Variants in FHIT observed in about 807,000 individuals in gnomAD.
The protein encoded by FHIT is bis(5'-adenosyl)-triphosphatase.
In FHIT, 19 loss-of-function variants were observed where a neutral mutation model predicts 17.9. That is an observed-to-expected ratio of 1.06 (90% CI 0.74 to 1.56). The LOEUF (loss-of-function observed/expected upper bound fraction) is 1.56. Ranked by LOEUF, FHIT falls within the 40% of genes most tolerant of loss-of-function variation. FHIT has a pLI of 0.00. For synonymous variants in FHIT, 81 were observed against 69.7 expected, an observed-to-expected ratio of 1.16 and a Z score of -0.81; for missense variants, 248 against 189.2, an observed-to-expected ratio of 1.31 and a Z score of -1.82.
At chr3:60,126,227 C>A (rs1032041309) in intron 5 of FHIT, among the ~76,000 whole-genome samples, 1 of 152,156 alleles carries the variant, frequency 6.6e-6, no homozygotes, top group Admixed American at 6.5e-5. Flanking sequence ...CACCTTATCC[C>A]TTTGGGCTTG....
intron 5 of FHIT, among the ~76,000 whole-genome samples, chr3:60,239,099 T>C (rs1167891267): frequency 6.6e-6 from 1 of 152,192 alleles, no homozygotes. Flanking sequence ...AAAGGTCAAA[T>C]TAACTTGAGA....
intron 5 of FHIT, among the ~76,000 whole-genome samples, chr3:60,330,994 A>G (rs1217324683): frequency 6.6e-6 from 1 of 151,948 alleles, no homozygotes; most frequent in Non-Finnish European, 1.5e-5. Flanking sequence ...TGTGACCACA[A>G]CCTCTCCCTT....
rs1280976512 is a variant in FHIT at position 60,037,386 on chromosome 3, CTTTCT to C, written c.104-23239_104-23235del. Among the ~76,000 whole-genome samples the C allele has an allele frequency of 6.1e-3, 816 of 132,962 alleles. 4 individuals are homozygous for C. Among genetic ancestry groups the C allele is most frequent in the African/African-American group, 0.02 (766 of 37,384 alleles). 87.2% of individuals were successfully genotyped at this position (132,962 alleles called of 152,430 possible). On this transcript the variant is annotated intron_variant, in intron 5 of 9. Transcript: ENST00000492590. The stretch of plus-strand genomic sequence containing the variant: ...CCACTCAGCTTACTTAAAACCAAGT[CTTTCT>C]TTTTTTTTTTTTTTTGAGACGGAGT...
intron 5 of FHIT, among the ~76,000 whole-genome samples, chr3:60,516,576 G>A (rs2035167523): frequency 2.0e-5 from 3 of 152,134 alleles, no homozygotes; most frequent in Admixed American, 6.6e-5. Flanking sequence ...TAGCTGTTTG[G>A]TCTAGATCGA....
intron 3 of FHIT, among the ~76,000 whole-genome samples, chr3:60,995,086 C>T (rs1415841849): frequency 6.6e-6 from 1 of 152,030 alleles, no homozygotes; most frequent in African/African-American, 2.4e-5. Flanking sequence ...TTTGGGAGGC[C>T]GAGGCGGGCG....
At chr3:61,105,302 C>T (rs1225055917) in intron 2 of FHIT, among the ~76,000 whole-genome samples, 1 of 151,896 alleles carries the variant, frequency 6.6e-6, no homozygotes, top group Non-Finnish European at 1.5e-5. Context: ...GATGGATTTG[C>T]CCCACTGGCT....
At chr3:61,132,800 A>C (rs577687066) in intron 2 of FHIT, among the ~76,000 whole-genome samples, 105 of 152,298 alleles carry the variant, frequency 6.9e-4, no homozygotes, top group African/African-American at 2.4e-3. Context: ...GAACGTTAAG[A>C]TCTTACTCTG....
chr3:59,961,440 C>G (rs1159485951), intron 7 of FHIT, among the ~76,000 whole-genome samples: 1 of 152,126 alleles, frequency 6.6e-6, no homozygotes, highest in Non-Finnish European at 1.5e-5. Flanking sequence ...TTTGAATTAT[C>G]TGAAATCCAC....
At chr3:60,555,634 C>G in intron 4 of FHIT, among the ~76,000 whole-genome samples, 1 of 152,186 alleles carries the variant, frequency 6.6e-6, no homozygotes, top group East Asian at 1.9e-4. Flanking sequence ...ATGAGAGGCA[C>G]TCATCAGGGG....
intron 2 of FHIT, among the ~76,000 whole-genome samples, chr3:61,076,364 A>G (rs764194584): frequency 1.6e-4 from 24 of 152,188 alleles, no homozygotes; most frequent in Middle Eastern, 3.2e-3. Context: ...TGTGAAAGAC[A>G]GAGCTATAAG....
At chr3:61,143,391 T>C (rs2037139847) in intron 2 of FHIT, among the ~76,000 whole-genome samples, 1 of 152,204 alleles carries the variant, frequency 6.6e-6, no homozygotes, top group South Asian at 2.1e-4. Context: ...ATGCATATTA[T>C]GTGTTTTGTG....
At chr3:61,060,709 G>A (rs1350563259) in intron 2 of FHIT, among the ~76,000 whole-genome samples, 1 of 152,212 alleles carries the variant, frequency 6.6e-6, no homozygotes. Context: ...TTGGCCTTCA[G>A]TATTACATGA....
intron 5 of FHIT, among the ~76,000 whole-genome samples, chr3:60,309,331 C>A (rs891958904): frequency 6.6e-6 from 1 of 151,806 alleles, no homozygotes; most frequent in African/African-American, 2.4e-5. Context: ...GGACAAGAGA[C>A]CCCCATTTCC....
At chr3:59,951,639 GC>G (rs1218800231) in intron 7 of FHIT, among the ~76,000 whole-genome samples, 1 of 152,084 alleles carries the variant, frequency 6.6e-6, no homozygotes, top group Admixed American at 6.6e-5. Context: ...ATCTTGGTGA[GC>G]TGACTCTTTC....
At chr3:60,097,650 CT>C (rs1249714542) in intron 5 of FHIT, among the ~76,000 whole-genome samples, 2 of 151,872 alleles carry the variant, frequency 1.3e-5, no homozygotes, top group African/African-American at 4.8e-5. Flanking sequence ...ATTATAATTC[CT>C]CTTTCTGATT....
intron 5 of FHIT, among the ~76,000 whole-genome samples, chr3:60,255,625 A>G (rs169914): frequency 1.8e-4 from 28 of 152,104 alleles, no homozygotes; most frequent in African/African-American, 5.8e-4. Flanking sequence ...AAATGTCCCA[A>G]TAAAAATTTC....
intron 5 of FHIT, among the ~76,000 whole-genome samples, chr3:60,502,975 A>C (rs1387532245): frequency 2.0e-5 from 3 of 152,206 alleles, no homozygotes; most frequent in African/African-American, 7.2e-5. Context: ...ACTGTAGCTG[A>C]ATACTGAATA....
At chr3:60,504,670 T>G (rs960084461) in intron 5 of FHIT, among the ~76,000 whole-genome samples, 1 of 152,106 alleles carries the variant, frequency 6.6e-6, no homozygotes. Context: ...AGAAAGTGAT[T>G]AACAAAATAA....
At chr3:60,032,915 A>C (rs1268621362) in intron 5 of FHIT, among the ~76,000 whole-genome samples, 1 of 152,176 alleles carries the variant, frequency 6.6e-6, no homozygotes, top group Non-Finnish European at 1.5e-5. Context: ...CCTTAGAGCT[A>C]ACTTACTTTA....
Sources: gnomAD v4.1 joint callset for allele counts (sites outside exome capture counted in the v4.1 genomes callset) on GRCh38, gnomAD v4.1.1 for gene constraint, MANE v1.5 for transcripts, NCBI Gene and HGNC (gene_info 2026-07-23, HGNC 2026-07-21) for gene names.